Variants in VWA8 observed in about 807,000 individuals in gnomAD.
VWA8 encodes von Willebrand factor A domain-containing protein 8.
In VWA8, 221 loss-of-function variants were observed where a neutral mutation model predicts 241.5. The observed-to-expected ratio is 0.91, with a 90% CI of 0.82 to 1.02. VWA8 has a LOEUF of 1.02. Ranked by LOEUF, VWA8 falls within the 50% of genes least tolerant of loss-of-function variation. VWA8 has a pLI of 0.00. For missense variants in VWA8, 2,322 were observed against 2,328.7 expected, an observed-to-expected ratio of 1.00 and a Z score of 0.06; for synonymous variants, 852 against 827.1, an observed-to-expected ratio of 1.03 and a Z score of -0.52.
At chr13:41,639,784 G>A (rs191069672) in intron 37 of VWA8, among the ~76,000 whole-genome samples, 6 of 152,210 alleles carry the variant, frequency 3.9e-5, no homozygotes, top group Admixed American at 1.3e-4. Flanking sequence ...GCGGTGGGAG[G>A]AGGGTGAGGA....
chr13:41,931,186 T>C (rs1372577631), intron 2 of VWA8, among the ~76,000 whole-genome samples: 1 of 149,924 alleles, frequency 6.7e-6, no homozygotes. Context: ...TATTTATTAT[T>C]CAGCCTTTAA....
chr13:41,683,073 G>T (rs2045111583), intron 35 of VWA8, among the ~76,000 whole-genome samples: 1 of 151,972 alleles, frequency 6.6e-6, no homozygotes, highest in African/African-American at 2.4e-5. Flanking sequence ...ATGCAAAAAT[G>T]CCATTCCTAG....
chr13:41,839,853 G>A (rs868667917), intron 12 of VWA8, among the ~76,000 whole-genome samples: 6 of 152,190 alleles, frequency 3.9e-5, no homozygotes, highest in African/African-American at 1.4e-4. Flanking sequence ...TGGCTATACG[G>A]GCTCTTTTTT....
At chr13:41,806,014 A>AAG (rs1870188087) in intron 17 of VWA8, among the ~76,000 whole-genome samples, 2 of 151,472 alleles carry the variant, frequency 1.3e-5, no homozygotes, top group Admixed American at 6.6e-5. Flanking sequence ...AAAAAAAAAA[A>AAG]AAAGAAATGA....
At chr13:41,587,459 A>G (rs2044425931) in intron 42 of VWA8, 53 bp downstream of exon 42, 2 of 1,605,792 alleles carry the variant, frequency 1.2e-6, no homozygotes, top group African/African-American at 1.3e-5. Context: ...GAATCCACCT[A>G]TCCATCATCA....
At chr13:41,799,186 C>T (rs1869837202) in intron 17 of VWA8, among the ~76,000 whole-genome samples, 1 of 150,288 alleles carries the variant, frequency 6.7e-6, no homozygotes, top group Admixed American at 6.6e-5. Flanking sequence ...ATGGTTTTTT[C>T]CCCCTAGATA....
chr13:41,808,670 G>A (rs1267691510), intron 17 of VWA8, among the ~76,000 whole-genome samples: 1 of 152,050 alleles, frequency 6.6e-6, no homozygotes, highest in Non-Finnish European at 1.5e-5. Flanking sequence ...GGAAAAACTG[G>A]AAGCCTTTCC....
At chr13:41,959,829 C>T (rs2138177920) in intron 1 of VWA8, among the ~76,000 whole-genome samples, 1 of 151,848 alleles carries the variant, frequency 6.6e-6, no homozygotes, top group African/African-American at 2.4e-5. Flanking sequence ...AGGATGGTCT[C>T]GATCTCCTGA....
intron 41 of VWA8, among the ~76,000 whole-genome samples, chr13:41,588,449 A>C (rs1219451144): frequency 6.6e-6 from 1 of 152,218 alleles, no homozygotes; most frequent in Non-Finnish European, 1.5e-5. Flanking sequence ...GGCTGCGTGC[A>C]GGGGCTCATG....
At chr13:41,651,033 G>A (rs968222584) in intron 37 of VWA8, among the ~76,000 whole-genome samples, 5 of 152,018 alleles carry the variant, frequency 3.3e-5, no homozygotes, top group South Asian at 2.1e-4. Context: ...CATAAAATGC[G>A]TAATAAATAT....
At chr13:41,578,426 T>G (rs1467171242) in intron 42 of VWA8, among the ~76,000 whole-genome samples, 3 of 152,174 alleles carry the variant, frequency 2.0e-5, no homozygotes, top group Non-Finnish European at 2.9e-5. Flanking sequence ...GCAGATTATA[T>G]TAAGCTTCCA....
At chr13:41,609,303 T>A (rs752647139) in intron 39 of VWA8, among the ~76,000 whole-genome samples, 1 of 152,236 alleles carries the variant, frequency 6.6e-6, no homozygotes, top group Non-Finnish European at 1.5e-5. Flanking sequence ...TATGCCTAAG[T>A]GGCAAAACCG....
rs1461612063 is a variant in VWA8 at position 41,567,711 on chromosome 13, A to C, written c.*486T>G. ...AAAATCATTGTTTTCTGGTCAATAC[A>C]GAGCAGGGAGAAAATAAAAATAATT... On this transcript the variant is annotated 3_prime_UTR_variant, in exon 45 of 45. Coordinates refer to ENST00000379310, the MANE Select transcript of VWA8 (RefSeq NM_015058.2). 1 of 152,796 alleles carries C rather than the reference A, an allele frequency of 6.5e-6. No homozygotes were observed. The highest frequency in any genetic ancestry group is 2.4e-5 in the African/African-American group (1 of 41,466). 9.5% of individuals were successfully genotyped at this position (152,796 alleles called of 1,614,324 possible).
At chr13:41,895,749 T>C (rs1336236197) in intron 4 of VWA8, among the ~76,000 whole-genome samples, 2 of 152,100 alleles carry the variant, frequency 1.3e-5, no homozygotes, top group African/African-American at 2.4e-5. Flanking sequence ...AGAACTGTGA[T>C]ACGTCCTGTT....
chr13:41,914,354 T>C (rs1240675195), intron 2 of VWA8, among the ~76,000 whole-genome samples: 1 of 152,224 alleles, frequency 6.6e-6, no homozygotes, highest in Non-Finnish European at 1.5e-5. Context: ...TTTAGCAATC[T>C]ATTAGGTAGT....
intron 37 of VWA8, among the ~76,000 whole-genome samples, chr13:41,620,694 C>A (rs1476335086): frequency 6.6e-6 from 1 of 152,202 alleles, no homozygotes; most frequent in East Asian, 1.9e-4. Context: ...GACTTCTGGG[C>A]TGCTTTCAGA....
At chr13:41,788,281 A>T (rs557481280) in intron 17 of VWA8, among the ~76,000 whole-genome samples, 2 of 152,302 alleles carry the variant, frequency 1.3e-5, no homozygotes, top group Admixed American at 1.3e-4. Flanking sequence ...CGTTCCAAAT[A>T]AACATACTAA....
intron 35 of VWA8, among the ~76,000 whole-genome samples, chr13:41,679,951 G>C (rs1340454861): frequency 6.9e-6 from 1 of 145,618 alleles, no homozygotes; most frequent in Non-Finnish European, 1.5e-5. Context: ...CCCTCTTGAT[G>C]TTTCAGCTTC....
At chr13:41,633,441 C>A (rs917336125) in intron 37 of VWA8, among the ~76,000 whole-genome samples, 1 of 152,126 alleles carries the variant, frequency 6.6e-6, no homozygotes, top group South Asian at 2.1e-4. Flanking sequence ...ACAGAATGAC[C>A]GCAGTGGTAT....
Sources: allele counts gnomAD v4.1 joint callset (sites outside exome capture counted in the v4.1 genomes callset), GRCh38; gene constraint gnomAD v4.1.1; transcripts MANE v1.5; gene names NCBI Gene and HGNC (gene_info 2026-07-23, HGNC 2026-07-21).